ADCY5: variants seen among roughly 807,000 people sequenced by gnomAD.
ADCY5 encodes the protein adenylate cyclase type 5.
Under a neutral mutation model 119.7 loss-of-function variants are expected in ADCY5, and 30 were observed. That is an observed-to-expected ratio of 0.25 (90% CI 0.19 to 0.34). The LOEUF (loss-of-function observed/expected upper bound fraction) is 0.34, where lower values mean the gene tolerates loss of function less well. Among genes scored for constraint, ADCY5 ranks in the 10% least tolerant of loss-of-function variants. ADCY5 has a pLI of 1.00. For missense variants in ADCY5, 1,324 were observed against 1,775.2 expected (o/e 0.75, Z 4.57); for synonymous variants, 753 against 762.2 (o/e 0.99, Z 0.20).
intron 1 of ADCY5, among the ~76,000 whole-genome samples, chr3:123,413,256 C>T (rs938195058): frequency 9.2e-5 from 14 of 152,306 alleles, no homozygotes; most frequent in Admixed American, 2.0e-4. Context: ...GCCTAAAACA[C>T]GGAACACGGA....
chr3:123,312,814 G>A (rs1940656814), intron 12 of ADCY5, among the ~76,000 whole-genome samples: 1 of 152,200 alleles, frequency 6.6e-6, no homozygotes, highest in Non-Finnish European at 1.5e-5. Flanking sequence ...TGGATGCTTG[G>A]GTTGTTTCTG....
chr3:123,409,277 G>A (rs1944984641), intron 1 of ADCY5, among the ~76,000 whole-genome samples: 1 of 152,154 alleles, frequency 6.6e-6, no homozygotes, highest in African/African-American at 2.4e-5. Flanking sequence ...CTATGTGCTA[G>A]GGGCTGTGCT....
At chr3:123,328,827 T>C (rs1257804822) in intron 5 of ADCY5, 25 bp from the exon 6 acceptor site, 2 of 1,610,478 alleles carry the variant, frequency 1.2e-6, no homozygotes, top group Non-Finnish European at 1.7e-6. Context: ...GGAGTAAAGC[T>C]GGGAGAAGGC....
intron 1 of ADCY5, among the ~76,000 whole-genome samples, chr3:123,395,544 C>T (rs1340811256): frequency 6.6e-6 from 1 of 152,152 alleles, no homozygotes; most frequent in Non-Finnish European, 1.5e-5. Context: ...ACTGTCTCAG[C>T]ACCTGGTGGA....
chr3:123,445,772 G>A (rs1446588671), intron 1 of ADCY5, among the ~76,000 whole-genome samples: 2 of 152,148 alleles, frequency 1.3e-5, no homozygotes, highest in African/African-American at 4.8e-5. Context: ...TTGGCAAGCA[G>A]TTATTAAATC....
At chr3:123,294,834 G>A (rs1176816375) in intron 17 of ADCY5, among the ~76,000 whole-genome samples, 2 of 152,174 alleles carry the variant, frequency 1.3e-5, no homozygotes, top group Non-Finnish European at 1.5e-5. Flanking sequence ...GTATTTAGGG[G>A]TGATGGGGCA....
At chr3:123,395,372 C>T (rs2107594260) in intron 1 of ADCY5, among the ~76,000 whole-genome samples, 1 of 152,308 alleles carries the variant, frequency 6.6e-6, no homozygotes, top group South Asian at 2.1e-4. Flanking sequence ...ATATCTCCTG[C>T]CACTTCCCTC....
At chr3:123,444,549 G>T (rs1945779528) in intron 1 of ADCY5, among the ~76,000 whole-genome samples, 1 of 152,186 alleles carries the variant, frequency 6.6e-6, no homozygotes, top group Admixed American at 6.5e-5. Context: ...AGGGGCTGTG[G>T]CACCTTGTGT....
At chr3:123,297,659 C>A (rs1407642197) in intron 15 of ADCY5, among the ~76,000 whole-genome samples, 1 of 152,212 alleles carries the variant, frequency 6.6e-6, no homozygotes, top group Non-Finnish European at 1.5e-5. Context: ...TGGGTGGAGG[C>A]CTGCCCGCCT....
chr3:123,442,803 C>A (rs906963076), intron 1 of ADCY5, among the ~76,000 whole-genome samples: 1 of 152,172 alleles, frequency 6.6e-6, no homozygotes, highest in Non-Finnish European at 1.5e-5. Context: ...CTCCAAATAC[C>A]CACTCCTAGC....
rs199689389 is a variant in ADCY5, at chr3:123,447,730, G to A, written c.816C>T (p.Ala272=). 19 of 1,599,914 alleles carry A rather than the reference G, an allele frequency of 1.2e-5. No individual in the cohort carries two copies. The highest frequency in any genetic ancestry group is 1.5e-5 in the Non-Finnish European group (17 of 1,171,590). Residue 272 remains alanine (A), a synonymous_variant, in exon 1 of 21, where the codon GCC becomes GCT. Coordinates refer to ENST00000462833, the MANE Select transcript of ADCY5 (RefSeq NM_183357.3). ...TCACGCCGACGGCGGCCGCCAGCACGGCCAGGTAGGGCAGCTGGAGCGGGG... is the reference window on the plus strand; with the variant it reads ...TCACGCCGACGGCGGCCGCCAGCACAGCCAGGTAGGGCAGCTGGAGCGGGG... ...ARPPLQLPYL[A]VLAAAVGVIL...
At chr3:123,299,692 G>C (rs1337259793) in intron 15 of ADCY5, among the ~76,000 whole-genome samples, 2 of 152,228 alleles carry the variant, frequency 1.3e-5, no homozygotes, top group African/African-American at 4.8e-5. Context: ...TGGCTGAGTT[G>C]CTGCAGGAGG....
intron 1 of ADCY5, among the ~76,000 whole-genome samples, chr3:123,432,886 AGAG>A (rs1481782975): frequency 1.3e-5 from 2 of 152,178 alleles, no homozygotes; most frequent in Admixed American, 1.3e-4. Context: ...GGGCTCTGGT[AGAG>A]GAGATGCCAG....
At chr3:123,296,760 CCAACAGTAGGTGCTG>C (rs1355440901) in intron 16 of ADCY5, among the ~76,000 whole-genome samples, 2 of 152,212 alleles carry the variant, frequency 1.3e-5, no homozygotes, top group African/African-American at 4.8e-5. Context: ...CAGCATCTGA[CCAACAGTAGGTGCTG>C]CAAACTAGTA....
intron 1 of ADCY5, among the ~76,000 whole-genome samples, chr3:123,390,526 A>AG (rs1944374528): frequency 1.3e-5 from 2 of 151,612 alleles, no homozygotes; most frequent in East Asian, 3.9e-4. Flanking sequence ...CTGCATCCAC[A>AG]GAGGTGCATT....
intron 3 of ADCY5, among the ~76,000 whole-genome samples, chr3:123,345,769 G>GACACACAGAC (rs1553731376): frequency 3.5e-5 from 4 of 113,834 alleles, no homozygotes; most frequent in East Asian, 2.4e-4. Flanking sequence ...CAGACAGACA[G>GACACACAGAC]ACACACACAC....
chr3:123,367,142 C>A (rs1943470452), intron 1 of ADCY5, among the ~76,000 whole-genome samples: 1 of 152,194 alleles, frequency 6.6e-6, no homozygotes, highest in African/African-American at 2.4e-5. Flanking sequence ...ATGGGGAATC[C>A]CAGAGGAAGC....
intron 1 of ADCY5, among the ~76,000 whole-genome samples, chr3:123,355,970 G>A (rs1480700445): frequency 1.3e-5 from 2 of 152,162 alleles, no homozygotes; most frequent in Non-Finnish European, 2.9e-5. Flanking sequence ...TAGAAATATA[G>A]ATATATGGAA....
At chr3:123,414,237 G>A (rs1313777289) in intron 1 of ADCY5, among the ~76,000 whole-genome samples, 2 of 152,168 alleles carry the variant, frequency 1.3e-5, no homozygotes, top group East Asian at 3.8e-4. Context: ...CCTCCTGCCA[G>A]CCCCTCTACA....
Sources: allele counts gnomAD v4.1 joint callset (sites outside exome capture counted in the v4.1 genomes callset), GRCh38; gene constraint gnomAD v4.1.1; transcripts MANE v1.5; gene names NCBI Gene and HGNC (gene_info 2026-07-23, HGNC 2026-07-21).